The following LARGE1 variants were observed in gnomAD, a reference collection of about 807,000 sequenced individuals.
The protein encoded by LARGE1 is xylosyl- and glucuronyltransferase LARGE1.
LARGE1 carries 43 observed loss-of-function variants against 87.6 expected under a neutral mutation model. The ratio of observed to expected loss-of-function variants is 0.49; its 90% confidence interval spans 0.38 to 0.63. LARGE1 has a LOEUF of 0.63. LARGE1 is among the 30% of genes least tolerant of loss of function. The pLI is 0.00. For synonymous variants in LARGE1, 434 were observed against 394.6 expected (o/e 1.10, Z -1.18); for missense variants, 802 against 1,000.2 (o/e 0.80, Z 2.67).
At chr22:33,141,331 T>C in the LARGE1 span, among the ~76,000 whole-genome samples, 1 of 152,146 alleles carries the variant, frequency 6.6e-6, no homozygotes, top group Non-Finnish European at 1.5e-5. Flanking sequence ...CAATGTTCCT[T>C]GTAGAACTTG....
intron 2 of LARGE1, among the ~76,000 whole-genome samples, chr22:33,751,762 T>C (rs1483929896): frequency 6.6e-6 from 1 of 151,840 alleles, no homozygotes; most frequent in Non-Finnish European, 1.5e-5. Context: ...TATATAAACG[T>C]GCCACTATTC....
intron 9 of LARGE1, among the ~76,000 whole-genome samples, chr22:33,353,277 T>C (rs2146784644): frequency 6.6e-6 from 1 of 152,360 alleles, no homozygotes; most frequent in Non-Finnish European, 1.5e-5. Context: ...AAAGTCGGTC[T>C]TAAGCTTGAC....
intron 1 of LARGE1, among the ~76,000 whole-genome samples, chr22:33,797,494 T>C (rs1423926246): frequency 6.6e-6 from 1 of 152,272 alleles, no homozygotes; most frequent in African/African-American, 2.4e-5. Context: ...TAGTGACTGA[T>C]TCCAATGGGC....
At chr22:33,377,270 T>TAC (rs2065020688) in intron 9 of LARGE1, among the ~76,000 whole-genome samples, 2 of 152,218 alleles carry the variant, frequency 1.3e-5, no homozygotes, top group East Asian at 3.8e-4. Flanking sequence ...ATCGTAACTT[T>TAC]ACACACACAA....
rs577863225 is a variant in LARGE1, at chr22:33,605,758, G to A, written c.492-1200C>T. Among the ~76,000 whole-genome samples, 118 of 152,184 alleles carry A rather than the reference G, an allele frequency of 7.8e-4. 1 individual carries two copies. Among genetic ancestry groups the A allele is most frequent in the African/African-American group, 2.8e-3 (115 of 41,518 alleles). ...GGAAATACAAAGATGAGAATGACCC[G>A]GCCCGCTGACCTCAAAGAGCTCATA... On this transcript the variant is annotated intron_variant, in intron 4 of 14. Coordinates refer to ENST00000397394, the MANE Select transcript of LARGE1 (RefSeq NM_133642.5).
At chr22:33,180,183 T>C (rs1260217093) in intron 11 of LARGE1, among the ~76,000 whole-genome samples, 1 of 152,116 alleles carries the variant, frequency 6.6e-6, no homozygotes, top group Non-Finnish European at 1.5e-5. Flanking sequence ...TTACCCAGTA[T>C]CAGTTATTTT....
At chr22:33,209,763 A>C (rs1924865930) in intron 11 of LARGE1, among the ~76,000 whole-genome samples, 1 of 152,246 alleles carries the variant, frequency 6.6e-6, no homozygotes, top group Middle Eastern at 3.4e-3. Context: ...CTCCCACCTC[A>C]GCTTCCTGAG....
At chr22:33,076,349 T>C in the LARGE1 span, among the ~76,000 whole-genome samples, 3 of 152,148 alleles carry the variant, frequency 2.0e-5, no homozygotes, top group East Asian at 1.9e-4. Flanking sequence ...TGGGATTTAT[T>C]ATAAGTAGAT....
chr22:33,469,809 C>T (rs2068755266), intron 6 of LARGE1, among the ~76,000 whole-genome samples: 2 of 135,010 alleles, frequency 1.5e-5, no homozygotes, highest in Non-Finnish European at 3.2e-5. Flanking sequence ...GCCTGGGCGA[C>T]AGAGTGAGAC....
chr22:33,587,610 A>G (rs1476105390), intron 5 of LARGE1, among the ~76,000 whole-genome samples: 1 of 152,064 alleles, frequency 6.6e-6, no homozygotes, highest in Non-Finnish European at 1.5e-5. Context: ...TACATGCTGT[A>G]TCTGTTTCAA....
chr22:33,740,650 C>A (rs2083846211), intron 2 of LARGE1, among the ~76,000 whole-genome samples: 1 of 152,140 alleles, frequency 6.6e-6, no homozygotes, highest in Admixed American at 6.5e-5. Flanking sequence ...GGGGTTAGGG[C>A]ATAAATGGAG....
chr22:33,336,296 G>A (rs955180737), intron 10 of LARGE1, among the ~76,000 whole-genome samples: 6 of 152,108 alleles, frequency 3.9e-5, no homozygotes, highest in Admixed American at 1.3e-4. Flanking sequence ...CGCCTCCCGG[G>A]TTCAAGCAAT....
intron 4 of LARGE1, among the ~76,000 whole-genome samples, chr22:33,616,999 G>C (rs762138734): frequency 1.4e-4 from 21 of 152,166 alleles, no homozygotes; most frequent in Non-Finnish European, 1.2e-4. Context: ...GCAAATATTG[G>C]AATGTTGGTC....
At chr22:33,198,148 G>T (rs562974168) in intron 11 of LARGE1, among the ~76,000 whole-genome samples, 1 of 152,068 alleles carries the variant, frequency 6.6e-6, no homozygotes, top group Non-Finnish European at 1.5e-5. Context: ...TGTGGTGGGT[G>T]GGGGGAACAG....
intron 1 of LARGE1, among the ~76,000 whole-genome samples, chr22:33,778,358 T>C (rs1402999237): frequency 6.6e-6 from 1 of 152,160 alleles, no homozygotes; most frequent in South Asian, 2.1e-4. Context: ...AACATAACAT[T>C]AACCACTTTA....
At chr22:33,673,278 A>G (rs904324001) in intron 2 of LARGE1, among the ~76,000 whole-genome samples, 1 of 152,116 alleles carries the variant, frequency 6.6e-6, no homozygotes, top group Non-Finnish European at 1.5e-5. Flanking sequence ...TTCTGTCTCA[A>G]AAAAAATTCT....
chr22:33,632,029 A>G (rs1452621779), intron 3 of LARGE1, among the ~76,000 whole-genome samples: 1 of 152,184 alleles, frequency 6.6e-6, no homozygotes, highest in Non-Finnish European at 1.5e-5. Flanking sequence ...TCTCTGTCAC[A>G]AAGTCCAGAT....
At chr22:33,758,414 A>G (rs111628534) in intron 2 of LARGE1, among the ~76,000 whole-genome samples, 4,578 of 152,326 alleles carry the variant, frequency 0.03, 99 homozygotes, top group Middle Eastern at 0.068. Context: ...ACTGACACTC[A>G]GTAACAGAAA....
chr22:33,423,334 T>C (rs1243499686), intron 7 of LARGE1, among the ~76,000 whole-genome samples: 1 of 152,004 alleles, frequency 6.6e-6, no homozygotes, highest in Non-Finnish European at 1.5e-5. Context: ...TTTTATTTTA[T>C]TTACTCTTTA....
Sources: gnomAD v4.1 joint callset for allele counts (sites outside exome capture counted in the v4.1 genomes callset) on GRCh38, gnomAD v4.1.1 for gene constraint, MANE v1.5 for transcripts, NCBI Gene and HGNC (gene_info 2026-07-23, HGNC 2026-07-21) for gene names.